RIMS2: variants seen among roughly 807,000 people sequenced by gnomAD.
The protein encoded by RIMS2 is regulating synaptic membrane exocytosis protein 2.
Under a neutral mutation model 174.4 loss-of-function variants are expected in RIMS2, and 59 were observed. The observed-to-expected ratio is 0.34, with a 90% CI of 0.27 to 0.42. RIMS2 has a LOEUF of 0.42. Among genes scored for constraint, RIMS2 ranks in the 10% least tolerant of loss-of-function variants. RIMS2 has a pLI of 1.00. For missense variants in RIMS2, 1,620 were observed against 1,666.3 expected, an observed-to-expected ratio of 0.97 and a Z score of 0.48; for synonymous variants, 606 against 572.5, an observed-to-expected ratio of 1.06 and a Z score of -0.84.
intron 1 of RIMS2, among the ~76,000 whole-genome samples, chr8:103,637,683 T>C (rs555067591): frequency 3.3e-5 from 5 of 152,276 alleles, no homozygotes; most frequent in Non-Finnish European, 7.4e-5. Context: ...CAGTCAACAA[T>C]TTACACAATT....
At chr8:104,101,575 C>CAT (rs905182297) in intron 19 of RIMS2, among the ~76,000 whole-genome samples, 2 of 152,070 alleles carry the variant, frequency 1.3e-5, no homozygotes, top group South Asian at 2.1e-4. Flanking sequence ...CACACACACA[C>CAT]ATATATATAC....
At chr8:104,060,203 A>C (rs1056521590) in intron 19 of RIMS2, among the ~76,000 whole-genome samples, 68 of 150,380 alleles carry the variant, frequency 4.5e-4, no homozygotes, top group South Asian at 1.1e-3. Context: ...CTGGTCCTGG[A>C]CTCTTTTTGG....
intron 2 of RIMS2, among the ~76,000 whole-genome samples, chr8:103,743,575 T>C (rs2097780760): frequency 6.6e-6 from 1 of 151,352 alleles, no homozygotes; most frequent in Admixed American, 6.6e-5. Context: ...TTATTACTTA[T>C]GATTTTATTG....
Position 104,222,642 on chromosome 8 carries a change from T to A in RIMS2, c.3335-22274T>A, listed in dbSNP as rs148183102. On this transcript the variant is annotated intron_variant, in intron 19 of 23. Transcript: ENST00000504942. Reference sequence around the variant, plus strand: ...GGTTCCGGGATAGAGATGTGCAGTTTGCAGAATGCATCATGTAATGTTGCT... The same window carrying A: ...GGTTCCGGGATAGAGATGTGCAGTTAGCAGAATGCATCATGTAATGTTGCT... 2.2e-3 allele frequency among the ~76,000 whole-genome samples: 340 copies of A among 152,344 alleles called. 2 individuals carry two copies. Among genetic ancestry groups the A allele is most frequent in the African/African-American group, 7.7e-3 (321 of 41,582 alleles).
At position 104,208,577 on chromosome 8, in the gene RIMS2, GAA is replaced by G. The variant is rs35821957; in HGVS notation, c.3335-36329_3335-36328del. ...AGTGAGACTCCATCTCAAAAAAAAA[GAA>G]AAAAAAAAATGAAGAATACTTTCTG... On this transcript the variant is annotated intron_variant, in intron 19 of 23. Coordinates refer to ENST00000504942, the Ensembl canonical transcript of RIMS2. Among the ~76,000 whole-genome samples the G allele has an allele frequency of 9.0e-3, 1,327 of 147,458 alleles. 12 individuals are homozygous for G. Among genetic ancestry groups the G allele is most frequent in the Non-Finnish European group, 0.015 (1,019 of 66,860 alleles).
intron 3 of RIMS2, among the ~76,000 whole-genome samples, chr8:103,769,581 C>A (rs1182214385): frequency 6.6e-6 from 1 of 152,192 alleles, no homozygotes. Context: ...CCACCTCGGC[C>A]TCCCAAAGTG....
chr8:104,198,703 G>A (rs1043438107), intron 19 of RIMS2, among the ~76,000 whole-genome samples: 2 of 152,160 alleles, frequency 1.3e-5, no homozygotes, highest in African/African-American at 4.8e-5. Context: ...TCTGGCTTTT[G>A]TCAGTTCTCC....
chr8:103,899,555 C>T (rs2099315101), intron 4 of RIMS2, among the ~76,000 whole-genome samples: 1 of 151,608 alleles, frequency 6.6e-6, no homozygotes, highest in Non-Finnish European at 1.5e-5. Flanking sequence ...CCTTTGCCCA[C>T]TTGTTGATGG....
intron 3 of RIMS2, among the ~76,000 whole-genome samples, chr8:103,767,715 C>G (rs2098192680): frequency 6.6e-6 from 1 of 152,148 alleles, no homozygotes; most frequent in Non-Finnish European, 1.5e-5. Flanking sequence ...AAAGTCACCA[C>G]TCCAATACAT....
At chr8:103,863,118 T>C (rs1355463253) in intron 3 of RIMS2, among the ~76,000 whole-genome samples, 1 of 152,182 alleles carries the variant, frequency 6.6e-6, no homozygotes, top group Admixed American at 6.5e-5. Context: ...AAATAGCTCT[T>C]ATTATTTTGA....
chr8:103,615,197 A>G (rs760558566), intron 1 of RIMS2, among the ~76,000 whole-genome samples: 8 of 152,176 alleles, frequency 5.3e-5, no homozygotes, highest in Non-Finnish European at 8.8e-5. Flanking sequence ...GTCAGACCAT[A>G]GCGCAATAAA....
At chr8:103,551,705 C>T (rs1264694487) in intron 1 of RIMS2, among the ~76,000 whole-genome samples, 7 of 152,098 alleles carry the variant, frequency 4.6e-5, no homozygotes, top group African/African-American at 9.7e-5. Context: ...AAAACCCCAT[C>T]GTGTCAGCCC....
chr8:104,210,778 A>T (rs977335), intron 19 of RIMS2, among the ~76,000 whole-genome samples: 49,756 of 152,022 alleles, frequency 0.33, 8,421 homozygotes, highest in African/African-American at 0.41. Context: ...TTTCTTTCAC[A>T]GAAATTGACC....
chr8:103,630,290 T>C (rs545777861), intron 1 of RIMS2, among the ~76,000 whole-genome samples: 53 of 145,842 alleles, frequency 3.6e-4, no homozygotes, highest in Middle Eastern at 6.8e-3. Flanking sequence ...TGGAAGTAAA[T>C]GGTTACATTT....
intron 1 of RIMS2, among the ~76,000 whole-genome samples, chr8:103,680,893 C>G (rs1386071978): frequency 6.6e-6 from 1 of 151,882 alleles, no homozygotes; most frequent in East Asian, 1.9e-4. Context: ...GGTGTACTAA[C>G]AGGGTTAATC....
At chr8:104,199,263 A>T (rs557111794) in intron 19 of RIMS2, among the ~76,000 whole-genome samples, 64 of 151,954 alleles carry the variant, frequency 4.2e-4, no homozygotes, top group African/African-American at 1.4e-3. Context: ...GGGGTTTCAC[A>T]GTGTTAGCCA....
chr8:103,686,813 A>G (rs1184399371), intron 1 of RIMS2, among the ~76,000 whole-genome samples: 1 of 151,934 alleles, frequency 6.6e-6, no homozygotes, highest in Non-Finnish European at 1.5e-5. Flanking sequence ...CCCAGGCTGG[A>G]GTACAATGTG....
At chr8:103,965,978 G>A (rs936829541) in intron 15 of RIMS2, among the ~76,000 whole-genome samples, 1 of 152,048 alleles carries the variant, frequency 6.6e-6, no homozygotes, top group African/African-American at 2.4e-5. Flanking sequence ...ACAGCTTTGT[G>A]TATCCAAGAT....
intron 3 of RIMS2, among the ~76,000 whole-genome samples, chr8:103,775,843 A>T (rs1276288534): frequency 6.6e-6 from 1 of 152,158 alleles, no homozygotes; most frequent in Non-Finnish European, 1.5e-5. Context: ...TTCTCATGGA[A>T]TATGTAACTT....
Sources: gnomAD v4.1 joint callset for allele counts (sites outside exome capture counted in the v4.1 genomes callset) on GRCh38, gnomAD v4.1.1 for gene constraint, MANE v1.5 for transcripts, NCBI Gene and HGNC (gene_info 2026-07-23, HGNC 2026-07-21) for gene names.